The following TBC1D14 variants were observed in gnomAD, a reference collection of about 807,000 sequenced individuals.
TBC1D14 encodes TBC1 domain family member 14.
TBC1D14 carries 26 observed loss-of-function variants against 79.0 expected under a neutral mutation model. The observed-to-expected ratio is 0.33, with a 90% CI of 0.24 to 0.46. The LOEUF (loss-of-function observed/expected upper bound fraction) is 0.46. Ranked by LOEUF, TBC1D14 falls within the 20% of genes least tolerant of loss-of-function variation. The probability of loss-of-function intolerance (pLI) is 1.00; values close to 1 mark genes in which losing one functional copy is unlikely to be tolerated. For missense variants in TBC1D14, 769 were observed against 887.6 expected (o/e 0.87, Z 1.70); for synonymous variants, 394 against 349.9 (o/e 1.13, Z -1.40).
chr4:6,941,171 G>C (rs1325160532), intron 2 of TBC1D14, among the ~76,000 whole-genome samples: 2 of 149,800 alleles, frequency 1.3e-5, no homozygotes, highest in Non-Finnish European at 3.0e-5. Context: ...CTGTATCTGA[G>C]GAAAGCAGCT....
At chr4:6,983,029 ATTTT>A (rs567087237) in intron 3 of TBC1D14, among the ~76,000 whole-genome samples, 1 of 149,194 alleles carries the variant, frequency 6.7e-6, no homozygotes, top group Admixed American at 6.7e-5. Flanking sequence ...ACTTAAAAGA[ATTTT>A]TTTTTTTGAG....
chr4:6,911,732 T>C (rs1723010536), intron 1 of TBC1D14, among the ~76,000 whole-genome samples: 1 of 152,176 alleles, frequency 6.6e-6, no homozygotes, highest in African/African-American at 2.4e-5. Flanking sequence ...TCTCTCAAAG[T>C]GGGGACACAG....
intron 3 of TBC1D14, among the ~76,000 whole-genome samples, chr4:6,989,611 G>T (rs772318798): frequency 1.6e-4 from 24 of 152,292 alleles, no homozygotes; most frequent in Middle Eastern, 3.4e-3. Context: ...TGCCTGCATC[G>T]TATTGCCCCT....
Position 6,923,533 on chromosome 4 carries a change from C to G in TBC1D14, c.144C>G (p.Pro48=), listed in dbSNP as rs920313271. ...PRLLSAPEYG[P]KLKLRALEDR... is the part of the protein sequence containing the mutation. Reference sequence around the variant, plus strand: ...TCCTCTCCGCGCCTGAGTACGGGCCCAAGCTGAAACTCAGGGCTTTAGAAG... The same window carrying G: ...TCCTCTCCGCGCCTGAGTACGGGCCGAAGCTGAAACTCAGGGCTTTAGAAG... The change falls in exon 2 of 14, where the codon CCC becomes CCG. Residue 48 remains proline, a synonymous_variant. Transcript: ENST00000409757. 3 of 1,614,182 alleles carry G rather than the reference C, an allele frequency of 1.9e-6. No individual in the cohort carries two copies. The highest frequency in any genetic ancestry group is 1.7e-6 in the Non-Finnish European group (2 of 1,180,026).
At position 7,001,142 on chromosome 4, in the gene TBC1D14, C is replaced by T. The variant is rs768521330; in HGVS notation, c.1164-3C>T. 2.3e-5 allele frequency: 37 copies of T among 1,613,454 alleles called. 1 individual carries two copies. Among genetic ancestry groups the T allele is most frequent in the South Asian group, 9.9e-5 (9 of 91,022 alleles). ...TCAAACTCCTGCTTCTGTTTTTGTC[C>T]AGGTGGTGCTCTAGAAAAGTTCGAG... On this transcript the variant is annotated splice_polypyrimidine_tract_variant and splice_region_variant and intron_variant, in intron 6 of 13. Coordinates refer to ENST00000409757, the MANE Select transcript of TBC1D14 (RefSeq NM_020773.3).
intron 13 of TBC1D14, 42 bp from the exon 14 acceptor site, chr4:7,030,285 G>A (rs1722920351): frequency 6.3e-6 from 10 of 1,598,464 alleles, no homozygotes; most frequent in Non-Finnish European, 4.3e-6. Context: ...GGATCTGTGT[G>A]CGTGGTCACT....
At chr4:6,913,543 C>T (rs946525502) in intron 1 of TBC1D14, among the ~76,000 whole-genome samples, 12 of 152,262 alleles carry the variant, frequency 7.9e-5, no homozygotes, top group Non-Finnish European at 1.5e-4. Context: ...ACCTTGGGTG[C>T]GTGACTTAGC....
intron 2 of TBC1D14, among the ~76,000 whole-genome samples, chr4:6,940,143 T>G (rs541639347): frequency 3.9e-4 from 60 of 152,312 alleles, no homozygotes; most frequent in Non-Finnish European, 6.6e-4. Flanking sequence ...ATGTAGCTAT[T>G]TAAATTGAGT....
chr4:6,994,355 C>T (rs1718797007), intron 4 of TBC1D14, 53 bp downstream of exon 4: 1 of 1,521,386 alleles, frequency 6.6e-7, no homozygotes, highest in Admixed American at 1.7e-5. Context: ...ATAAGTACAA[C>T]TTGCTAAGCA....
At chr4:6,924,900 T>C (rs1308481919) in intron 2 of TBC1D14, among the ~76,000 whole-genome samples, 2 of 151,284 alleles carry the variant, frequency 1.3e-5, no homozygotes, top group African/African-American at 4.9e-5. Flanking sequence ...GGCCTGGGGG[T>C]GGTGGGAGTG....
intron 2 of TBC1D14, among the ~76,000 whole-genome samples, chr4:6,955,056 T>A (rs1446232550): frequency 6.6e-6 from 1 of 152,248 alleles, no homozygotes; most frequent in Non-Finnish European, 1.5e-5. Context: ...AACCTCACTT[T>A]CTTTCTTCGT....
chr4:6,959,095 C>T (rs971851242), intron 2 of TBC1D14, among the ~76,000 whole-genome samples: 6 of 151,990 alleles, frequency 3.9e-5, no homozygotes, highest in Admixed American at 1.3e-4. Flanking sequence ...CCGTTTTAGC[C>T]GGGATGGTCT....
chr4:6,964,336 C>T (rs942044791), intron 2 of TBC1D14, among the ~76,000 whole-genome samples: 1 of 152,192 alleles, frequency 6.6e-6, no homozygotes, highest in Non-Finnish European at 1.5e-5. Context: ...TGCAATTCTC[C>T]CGTCCATTCC....
intron 2 of TBC1D14, among the ~76,000 whole-genome samples, chr4:6,959,038 T>C (rs1470241689): frequency 6.6e-6 from 1 of 152,084 alleles, no homozygotes; most frequent in African/African-American, 2.4e-5. Context: ...CGCCTGCCAC[T>C]ACGCCCGGCT....
At chr4:6,945,770 A>G (rs1713386773) in intron 2 of TBC1D14, among the ~76,000 whole-genome samples, 1 of 151,332 alleles carries the variant, frequency 6.6e-6, no homozygotes, top group South Asian at 2.1e-4. Context: ...AAAAAAAAAA[A>G]AAAAAAAAAA....
Position 6,924,071 on chromosome 4 carries a change from A to G in TBC1D14, c.682A>G (p.Lys228Glu), listed in dbSNP as rs923212305. The G allele has an allele frequency of 3.1e-6, 5 of 1,613,548 alleles. No homozygotes were observed. The highest frequency in any genetic ancestry group is 4.2e-6 in the Non-Finnish European group (5 of 1,179,942). ...TGTTCATGAAGCTGAGGAGGGGAGT[A>G]AATTGAAAATATTGGGGCCATTTAG... is the stretch of plus-strand genomic sequence containing the variant. Reference protein sequence around the residue: ...DCVHEAEEGSKLKILGPFSNF... With the variant: ...DCVHEAEEGSELKILGPFSNF... Residue 228 changes from lysine to glutamate, a missense_variant, in exon 2 of 14, where the codon AAA (lysine) becomes GAA (glutamate). Physicochemically the swap from Lys to Glu is moderately conservative, Grantham distance 56. Transcript: ENST00000409757.
At chr4:7,008,666 C>G (rs1349419286) in intron 9 of TBC1D14, among the ~76,000 whole-genome samples, 1 of 152,222 alleles carries the variant, frequency 6.6e-6, no homozygotes, top group Non-Finnish European at 1.5e-5. Flanking sequence ...CCACCTCGGC[C>G]TCCCAAAGTG....
chr4:7,030,227 G>A lies in TBC1D14; in HGVS notation c.2017-100G>A, dbSNP rs1239048692. The A allele has an allele frequency of 2.0e-5, 22 of 1,124,416 alleles. 1 individual carries two copies. The highest frequency in any genetic ancestry group is 9.2e-5 in the African/African-American group (6 of 65,536). The allele number at this position is 1,124,416 out of a possible 1,614,324, so 69.7% of individuals were successfully genotyped here. The stretch of plus-strand genomic sequence containing the variant: ...TTGGAGGCAGTGGAAGTGGGGAGCC[G>A]GGGGACCCTGTTAGGAGGCTACTGC... On this transcript the variant is annotated intron_variant, in intron 13 of 13. Transcript: ENST00000409757.
chr4:6,921,614 C>G (rs1354062963), intron 1 of TBC1D14, among the ~76,000 whole-genome samples: 6 of 151,956 alleles, frequency 3.9e-5, no homozygotes, highest in Non-Finnish European at 5.9e-5. Context: ...CAACCTCCAC[C>G]TCCTGGGTTC....
Sources: allele counts gnomAD v4.1 joint callset (sites outside exome capture counted in the v4.1 genomes callset), GRCh38; gene constraint gnomAD v4.1.1; transcripts MANE v1.5; gene names NCBI Gene and HGNC (gene_info 2026-07-23, HGNC 2026-07-21).